Variants in COPS8 observed in about 807,000 individuals in gnomAD.
COPS8 encodes COP9 signalosome subunit 8.
In COPS8, 11 loss-of-function variants were observed where a neutral mutation model predicts 31.5. The ratio of observed to expected loss-of-function variants is 0.35; its 90% confidence interval spans 0.22 to 0.58. COPS8 has a LOEUF of 0.58. Ranked by LOEUF, COPS8 falls within the 20% of genes least tolerant of loss-of-function variation. The pLI is 0.83. For missense variants in COPS8, 215 were observed against 255.1 expected (o/e 0.84, Z 1.07); for synonymous variants, 81 against 89.3 (o/e 0.91, Z 0.52).
rs571245706 is a variant in COPS8, at chr2:237,097,524, T to G, written c.551-139T>G. On this transcript the variant is annotated intron_variant, in intron 7 of 7. Transcript: ENST00000354371. ...ATGTCCAAGCCTCTATGATGTAAGA[T>G]TTTGTCTAAAACCAGGACAAATCTA... The G allele has an allele frequency of 8.9e-5, 56 of 632,536 alleles. No homozygotes were observed. The South Asian group carries it at 1.1e-3, about 13-fold the overall frequency. 39.2% of individuals were successfully genotyped at this position (632,536 alleles called of 1,614,324 possible).
At chr2:237,092,553 A>G (rs1486881376) in intron 4 of COPS8, among the ~76,000 whole-genome samples, 1 of 152,242 alleles carries the variant, frequency 6.6e-6, no homozygotes, top group Non-Finnish European at 1.5e-5. Context: ...TCTCTAAAAA[A>G]AAAAAGTATA....
At chr2:237,087,889 C>T (rs936607224) in intron 2 of COPS8, among the ~76,000 whole-genome samples, 1 of 150,782 alleles carries the variant, frequency 6.6e-6, no homozygotes, top group African/African-American at 2.4e-5. Flanking sequence ...GCTAAGATTG[C>T]GCGACTGCAC....
intron 4 of COPS8, among the ~76,000 whole-genome samples, chr2:237,093,344 A>G (rs6431505): frequency 0.091 from 13,812 of 152,244 alleles, 925 homozygotes; most frequent in African/African-American, 0.19. Flanking sequence ...AAAATCCAGA[A>G]TATTTCCTAA....
intron 1 of COPS8, chr2:237,086,764 T>C: frequency 1.0e-6 from 1 of 984,700 alleles, no homozygotes; most frequent in African/African-American, 1.7e-5. Context: ...ATCAGAATGC[T>C]TCAGGAATCT....
chr2:237,096,651 A>T (rs933592948), intron 6 of COPS8, 171 bp from the exon 7 acceptor site: 1 of 653,482 alleles, frequency 1.5e-6, no homozygotes. Context: ...GTCAAGTGAG[A>T]TAGTGGGGGA....
At chr2:237,097,529 T>C (rs1696827110) in intron 7 of COPS8, 134 bp from the exon 8 acceptor site, 3 of 645,390 alleles carry the variant, frequency 4.6e-6, no homozygotes, top group Admixed American at 3.2e-5. Context: ...TAAGATTTTG[T>C]CTAAAACCAG....
chr2:237,090,243 T>G (rs80306906), intron 4 of COPS8, among the ~76,000 whole-genome samples: 13,103 of 151,932 alleles, frequency 0.086, 662 homozygotes, highest in Non-Finnish European at 0.12. Context: ...GTTTTAAGAG[T>G]TTTTTTTGCT....
intron 2 of COPS8, 58 bp downstream of exon 2, chr2:237,087,255 AT>A: frequency 7.9e-7 from 1 of 1,262,786 alleles, no homozygotes; most frequent in South Asian, 1.3e-5. Context: ...ATATGGAAAT[AT>A]TTCTGCACTG....
intron 4 of COPS8, among the ~76,000 whole-genome samples, chr2:237,093,230 G>A (rs991691844): frequency 5.9e-5 from 9 of 152,182 alleles, no homozygotes; most frequent in African/African-American, 2.2e-4. Flanking sequence ...GGTATCTGGG[G>A]GAATTGGTGT....
At chr2:237,086,531 T>A (rs1276434180) in intron 1 of COPS8, among the ~76,000 whole-genome samples, 1 of 152,182 alleles carries the variant, frequency 6.6e-6, no homozygotes, top group Non-Finnish European at 1.5e-5. Flanking sequence ...GTAAGACAGA[T>A]GAAAGTTATG....
At chr2:237,086,128 G>A in intron 1 of COPS8, 86 bp downstream of exon 1, 1 of 1,291,694 alleles carries the variant, frequency 7.7e-7, no homozygotes, top group Non-Finnish European at 1.1e-6. Context: ...CGGGGTCTGA[G>A]GCTAGCGGGC....
intron 6 of COPS8, 47 bp downstream of exon 6, chr2:237,095,931 A>G (rs898347119): frequency 3.0e-6 from 4 of 1,319,982 alleles, no homozygotes; most frequent in Middle Eastern, 1.8e-4. Context: ...CTCTTCTAAG[A>G]CTGCTTCAGG....
chr2:237,088,082 C>T (rs1180346995), intron 2 of COPS8, among the ~76,000 whole-genome samples: 3 of 151,510 alleles, frequency 2.0e-5, no homozygotes, highest in African/African-American at 7.3e-5. Flanking sequence ...TTTTATTACA[C>T]ATATGTAAGG....
intron 3 of COPS8, among the ~76,000 whole-genome samples, chr2:237,089,560 A>G (rs1415424038): frequency 6.6e-6 from 1 of 152,174 alleles, no homozygotes; most frequent in Non-Finnish European, 1.5e-5. Flanking sequence ...TCCTTAAGCT[A>G]ATTAGTCCCC....
intron 6 of COPS8, 90 bp downstream of exon 6, chr2:237,095,974 A>G (rs770969465): frequency 1.0e-5 from 9 of 888,810 alleles, no homozygotes; most frequent in Non-Finnish European, 1.7e-5. Context: ...AATTGGATGT[A>G]AAATTCGGCT....
At chr2:237,088,980 T>C (rs1696663723) in intron 3 of COPS8, among the ~76,000 whole-genome samples, 1 of 152,210 alleles carries the variant, frequency 6.6e-6, no homozygotes, top group African/African-American at 2.4e-5. Context: ...CTGGTTTATG[T>C]TGCTTCCTAT....
At chr2:237,093,725 C>T in intron 4 of COPS8, 1 of 989,092 alleles carries the variant, frequency 1.0e-6, no homozygotes. Flanking sequence ...CAGTTTTCTG[C>T]TCCTTTGATT....
chr2:237,088,632 A>C lies in COPS8; in HGVS notation c.177A>C (p.Arg59Ser). 6.3e-7 allele frequency: 1 copy of C among 1,595,408 alleles called. No homozygotes were observed. The highest frequency in any genetic ancestry group is 8.6e-7 in the Non-Finnish European group (1 of 1,166,180). The change falls in exon 3 of 8, where the codon AGA becomes AGC. Residue 59 changes from arginine (R) to serine (S), a missense_variant. Transcript: ENST00000354371. The stretch of plus-strand genomic sequence containing the variant: ...ATAATGCAAGATATCTTTGGAAAAG[A>C]ATACCACCTGCTATAAAATCTGTAA... ...DMNNARYLWKRIPPAIKSANS... is the reference protein window; with the variant it reads ...DMNNARYLWKSIPPAIKSANS...
intron 3 of COPS8, among the ~76,000 whole-genome samples, chr2:237,089,103 G>A (rs1368435695): frequency 2.0e-5 from 3 of 152,178 alleles, no homozygotes; most frequent in Non-Finnish European, 4.4e-5. Flanking sequence ...TTGGTTGGGA[G>A]ATTAGAAGAA....
Sources: gnomAD v4.1 joint callset for allele counts (sites outside exome capture counted in the v4.1 genomes callset) on GRCh38, gnomAD v4.1.1 for gene constraint, MANE v1.5 for transcripts, NCBI Gene and HGNC (gene_info 2026-07-23, HGNC 2026-07-21) for gene names.